The following FBXL7 variants were observed in gnomAD, a reference collection of about 807,000 sequenced individuals.
The protein encoded by FBXL7 is F-box/LRR-repeat protein 7.
In FBXL7, 12 loss-of-function variants were observed where a neutral mutation model predicts 38.3. That is an observed-to-expected ratio of 0.31 (90% CI 0.20 to 0.51). The LOEUF is 0.51. Among genes scored for constraint, FBXL7 ranks in the 20% least tolerant of loss-of-function variants. The pLI, the probability that FBXL7 is intolerant of heterozygous loss-of-function variation, is 0.98. For synonymous variants in FBXL7, 297 were observed against 300.9 expected (o/e 0.99, Z 0.13); for missense variants, 567 against 676.4 (o/e 0.84, Z 1.79).
chr5:15,668,235 C>T (rs577865047), intron 2 of FBXL7, among the ~76,000 whole-genome samples: 2 of 152,302 alleles, frequency 1.3e-5, no homozygotes, highest in South Asian at 4.1e-4. Context: ...TTGAACTGTT[C>T]CCTATGTCTG....
intron 1 of FBXL7, among the ~76,000 whole-genome samples, chr5:15,604,410 A>G (rs1003084749): frequency 6.6e-6 from 1 of 151,936 alleles, no homozygotes; most frequent in Non-Finnish European, 1.5e-5. Context: ...GCTGAAGTGC[A>G]GTGGCACAGT....
intron 1 of FBXL7, among the ~76,000 whole-genome samples, chr5:15,596,565 T>C (rs1739631083): frequency 6.6e-6 from 1 of 152,020 alleles, no homozygotes; most frequent in South Asian, 2.1e-4. Flanking sequence ...AAGAAAAAAA[T>C]TTACAAAGTT....
At chr5:15,710,295 ACT>A (rs1743821462) in intron 2 of FBXL7, among the ~76,000 whole-genome samples, 1 of 151,906 alleles carries the variant, frequency 6.6e-6, no homozygotes, top group Admixed American at 6.6e-5. Flanking sequence ...CCTCTTGCAC[ACT>A]CTGCTCCTTC....
chr5:15,659,522 C>T (rs557872949), intron 2 of FBXL7, among the ~76,000 whole-genome samples: 10 of 152,160 alleles, frequency 6.6e-5, no homozygotes, highest in African/African-American at 2.4e-4. Context: ...TAGTTTCATT[C>T]ATAAGGACTT....
rs1012872438 is a variant in FBXL7, at chr5:15,766,038, G to GTCTA, written c.127+149971_127+149974dup. 1.6e-4 allele frequency among the ~76,000 whole-genome samples: 20 copies of GTCTA among 126,226 alleles called. 1 individual carries two copies. The East Asian group carries it at 3.0e-3, about 19-fold the overall frequency. The allele number at this position is 126,226 out of a possible 152,430, so 82.8% of individuals were successfully genotyped here. ...TATCTGTCTGTCTGTCTGTCTGTCT[G>GTCTA]TCTATCTACCTACCTACCTACCTAC... On this transcript the variant is annotated intron_variant, in intron 2 of 3. Coordinates refer to ENST00000504595, the MANE Select transcript of FBXL7 (RefSeq NM_012304.5).
chr5:15,708,869 G>A (rs527627064), intron 2 of FBXL7, among the ~76,000 whole-genome samples: 1 of 152,272 alleles, frequency 6.6e-6, no homozygotes, highest in East Asian at 1.9e-4. Flanking sequence ...TGGAATATTT[G>A]AATACAGCTA....
At chr5:15,815,349 A>G (rs980615321) in intron 2 of FBXL7, among the ~76,000 whole-genome samples, 1 of 152,192 alleles carries the variant, frequency 6.6e-6, no homozygotes, top group African/African-American at 2.4e-5. Flanking sequence ...CCATGGAAAC[A>G]GAGTTCTTTA....
chr5:15,626,965 A>G (rs1025921285), intron 2 of FBXL7, among the ~76,000 whole-genome samples: 5 of 152,190 alleles, frequency 3.3e-5, no homozygotes, highest in Admixed American at 6.5e-5. Context: ...GTCAGGGGTC[A>G]CCAACTGGTA....
chr5:15,796,170 A>T (rs1737411149), intron 2 of FBXL7, among the ~76,000 whole-genome samples: 1 of 152,194 alleles, frequency 6.6e-6, no homozygotes, highest in African/African-American at 2.4e-5. Context: ...AATAAACCAG[A>T]TCTTTTTCTA....
At chr5:15,748,285 T>C (rs1439340121) in intron 2 of FBXL7, among the ~76,000 whole-genome samples, 2 of 152,252 alleles carry the variant, frequency 1.3e-5, no homozygotes, top group African/African-American at 4.8e-5. Context: ...GAACTTTGCC[T>C]TGTACTTCAT....
chr5:15,550,627 CT>C (rs1168109891), intron 1 of FBXL7, among the ~76,000 whole-genome samples: 1 of 152,216 alleles, frequency 6.6e-6, no homozygotes, highest in African/African-American at 2.4e-5. Flanking sequence ...GACCCAGGTT[CT>C]TTGCAAACTT....
At chr5:15,837,391 G>GT (rs1013673123) in intron 2 of FBXL7, among the ~76,000 whole-genome samples, 1 of 152,128 alleles carries the variant, frequency 6.6e-6, no homozygotes. Flanking sequence ...GAGCCATACA[G>GT]TTTTTCCCAT....
At chr5:15,897,720 G>A (rs1337318774) in intron 2 of FBXL7, among the ~76,000 whole-genome samples, 2 of 152,232 alleles carry the variant, frequency 1.3e-5, no homozygotes, top group African/African-American at 2.4e-5. Context: ...TATAGGAGAA[G>A]AGGATGAAAA....
intron 2 of FBXL7, among the ~76,000 whole-genome samples, chr5:15,915,267 A>C (rs191777441): frequency 6.6e-6 from 1 of 152,344 alleles, no homozygotes; most frequent in East Asian, 1.9e-4. Context: ...AAAATACTGC[A>C]AACTAGGTGG....
intron 1 of FBXL7, among the ~76,000 whole-genome samples, chr5:15,576,979 T>A (rs1316483122): frequency 6.6e-6 from 1 of 152,234 alleles, no homozygotes; most frequent in African/African-American, 2.4e-5. Context: ...AAAATTTTTT[T>A]AAAGTAAAAG....
chr5:15,697,803 A>G (rs1227415654), intron 2 of FBXL7, among the ~76,000 whole-genome samples: 1 of 152,214 alleles, frequency 6.6e-6, no homozygotes, highest in East Asian at 1.9e-4. Flanking sequence ...ACTTGAGCAA[A>G]TAAACTGACT....
At chr5:15,857,374 A>C (rs1156730355) in intron 2 of FBXL7, among the ~76,000 whole-genome samples, 1 of 152,204 alleles carries the variant, frequency 6.6e-6, no homozygotes, top group Non-Finnish European at 1.5e-5. Context: ...TACTATCCCC[A>C]GATTGCAGAT....
chr5:15,605,054 A>G (rs978435462), intron 1 of FBXL7, among the ~76,000 whole-genome samples: 1 of 152,140 alleles, frequency 6.6e-6, no homozygotes, highest in Non-Finnish European at 1.5e-5. Flanking sequence ...GCTCAGAGAT[A>G]ACACTATACT....
chr5:15,638,412 T>G (rs911872135), intron 2 of FBXL7, among the ~76,000 whole-genome samples: 3 of 152,176 alleles, frequency 2.0e-5, no homozygotes, highest in Admixed American at 6.5e-5. Flanking sequence ...CAGCATCCCA[T>G]CCCTAGAAGC....
Sources: gnomAD v4.1 joint callset for allele counts (sites outside exome capture counted in the v4.1 genomes callset) on GRCh38, gnomAD v4.1.1 for gene constraint, MANE v1.5 for transcripts, NCBI Gene and HGNC (gene_info 2026-07-23, HGNC 2026-07-21) for gene names.